MDGA2: variants seen among roughly 807,000 people sequenced by gnomAD.
MDGA2 encodes the protein MAM domain-containing glycosylphosphatidylinositol anchor protein 2.
Under a neutral mutation model 117.8 loss-of-function variants are expected in MDGA2, and 40 were observed. The observed-to-expected ratio is 0.34, with a 90% CI of 0.26 to 0.44. The LOEUF is 0.44. Ranked by LOEUF, MDGA2 falls within the 20% of genes least tolerant of loss-of-function variation. MDGA2 has a pLI of 1.00. For missense variants in MDGA2, 1,123 were observed against 1,250.6 expected, an observed-to-expected ratio of 0.90 and a Z score of 1.54; for synonymous variants, 452 against 439.0, an observed-to-expected ratio of 1.03 and a Z score of -0.37.
At chr14:47,442,191 C>T (rs1434035517) in intron 1 of MDGA2, among the ~76,000 whole-genome samples, 1 of 152,096 alleles carries the variant, frequency 6.6e-6, no homozygotes, top group Admixed American at 6.5e-5. Context: ...GATAAGTGGT[C>T]GGTTAAGGTA....
At chr14:46,975,849 A>G (rs1886437935) in intron 8 of MDGA2, among the ~76,000 whole-genome samples, 1 of 152,098 alleles carries the variant, frequency 6.6e-6, no homozygotes, top group African/African-American at 2.4e-5. Context: ...TTCAGACATA[A>G]GGCTTCTTGC....
chr14:47,607,437 A>G (rs1896762187), intron 1 of MDGA2, among the ~76,000 whole-genome samples: 1 of 152,156 alleles, frequency 6.6e-6, no homozygotes, highest in Admixed American at 6.6e-5. Context: ...TAGTTGCTAT[A>G]TATCAACATA....
Position 47,551,745 on chromosome 14 carries a change from C to T in MDGA2, c.280+122772G>A, listed in dbSNP as rs138565593. 4.3e-3 allele frequency among the ~76,000 whole-genome samples: 652 copies of T among 152,206 alleles called. 7 individuals are homozygous for T. The highest frequency in any genetic ancestry group is 0.015 in the African/African-American group (615 of 41,530). On this transcript the variant is annotated intron_variant, in intron 1 of 16. Coordinates refer to ENST00000399232, the MANE Select transcript of MDGA2 (RefSeq NM_001113498.3). ...ATATCTATTCCTTGACATATTGGAA[C>T]ACAAAACAAACAAGTTCAAAAGAAT...
intron 5 of MDGA2, among the ~76,000 whole-genome samples, chr14:47,122,494 T>C (rs1356709848): frequency 2.6e-5 from 4 of 152,226 alleles, no homozygotes; most frequent in African/African-American, 9.6e-5. Context: ...TGCCTAAAGA[T>C]GACATTTTGA....
At chr14:46,901,452 G>T (rs1169030695) in intron 10 of MDGA2, among the ~76,000 whole-genome samples, 2 of 152,138 alleles carry the variant, frequency 1.3e-5, no homozygotes, top group Admixed American at 6.6e-5. Context: ...TAGCATCTGT[G>T]CATACAAAAG....
chr14:47,609,465 A>ATACATATAT (rs1555336021), intron 1 of MDGA2, among the ~76,000 whole-genome samples: 1 of 107,386 alleles, frequency 9.3e-6, no homozygotes, highest in Non-Finnish European at 1.9e-5. Flanking sequence ...ATATATATAT[A>ATACATATAT]AGTTTCTTTA....
At chr14:46,960,238 G>A (rs1885741742) in intron 8 of MDGA2, among the ~76,000 whole-genome samples, 1 of 151,770 alleles carries the variant, frequency 6.6e-6, no homozygotes, top group Non-Finnish European at 1.5e-5. Flanking sequence ...AAATTATATT[G>A]TACATTATAG....
intron 3 of MDGA2, among the ~76,000 whole-genome samples, chr14:47,207,216 T>TA (rs1566680739): frequency 6.6e-6 from 1 of 151,790 alleles, no homozygotes; most frequent in South Asian, 2.1e-4. Flanking sequence ...AGAAGCATGA[T>TA]AGAGGATGGG....
Position 47,272,925 on chromosome 14 carries a change from A to G in MDGA2, c.420+28486T>C, listed in dbSNP as rs1301787166. 2.6e-5 allele frequency among the ~76,000 whole-genome samples: 4 copies of G among 152,158 alleles called. No homozygotes were observed. In the East Asian group the frequency reaches 7.7e-4, roughly 29 times the overall value. On this transcript the variant is annotated intron_variant, in intron 2 of 16. Transcript: ENST00000399232. ...TAATTGGTTACTATAAAAAAATACA[A>G]CTCCTTAGATGCAGGGAAATGCATA...
At chr14:47,560,272 C>T (rs1295943402) in intron 1 of MDGA2, among the ~76,000 whole-genome samples, 2 of 151,968 alleles carry the variant, frequency 1.3e-5, no homozygotes, top group South Asian at 2.1e-4. Flanking sequence ...GGGGTTTCAC[C>T]GTGTTAGCCA....
At chr14:47,619,426 A>C (rs1164635) in intron 1 of MDGA2, among the ~76,000 whole-genome samples, 61,286 of 152,050 alleles carry the variant, frequency 0.4, 13,280 homozygotes, top group Middle Eastern at 0.51. Context: ...AAGTACATTA[A>C]AACTAATACT....
At chr14:47,143,690 A>G (rs1237541714) in intron 4 of MDGA2, among the ~76,000 whole-genome samples, 1 of 152,094 alleles carries the variant, frequency 6.6e-6, no homozygotes, top group Non-Finnish European at 1.5e-5. Context: ...AAGTTTCTTC[A>G]TTTTTTTAAT....
intron 7 of MDGA2, among the ~76,000 whole-genome samples, chr14:47,046,947 G>A (rs1382928491): frequency 1.3e-5 from 2 of 152,040 alleles, no homozygotes; most frequent in Admixed American, 6.6e-5. Context: ...AGTAACAAAA[G>A]CAGAGCCACA....
At chr14:47,543,290 CAAAA>C (rs1369088648) in intron 1 of MDGA2, among the ~76,000 whole-genome samples, 1 of 151,818 alleles carries the variant, frequency 6.6e-6, no homozygotes, top group African/African-American at 2.4e-5. Context: ...TCTAAAAAAA[CAAAA>C]AGAATGGGAA....
chr14:46,933,173 T>G (rs1334251127), intron 9 of MDGA2, among the ~76,000 whole-genome samples: 1 of 152,084 alleles, frequency 6.6e-6, no homozygotes, highest in Non-Finnish European at 1.5e-5. Context: ...TTTCCCATTG[T>G]AAAATTTCTC....
rs927832760 is a variant in MDGA2, at chr14:47,507,564, T to G, written c.280+166953A>C. Among the ~76,000 whole-genome samples, 9 of 152,304 alleles carry G rather than the reference T, an allele frequency of 5.9e-5. No individual in the cohort carries two copies. The South Asian group carries it at 1.2e-3, about 21-fold the overall frequency. ...GAGCTGATAAACCTCTCACTTTTAG[T>G]CCCTTTCAAGTAGCTATAACATGTT... On this transcript the variant is annotated intron_variant, in intron 1 of 16. Transcript: ENST00000399232.
chr14:47,276,182 G>A (rs1368840673), intron 2 of MDGA2, among the ~76,000 whole-genome samples: 1 of 151,988 alleles, frequency 6.6e-6, no homozygotes, highest in Non-Finnish European at 1.5e-5. Flanking sequence ...AACATAATCA[G>A]GCATTGGTTT....
chr14:47,625,125 C>T (rs1021788078), intron 1 of MDGA2, among the ~76,000 whole-genome samples: 2 of 152,116 alleles, frequency 1.3e-5, no homozygotes, highest in Non-Finnish European at 2.9e-5. Context: ...AGTGACAAAT[C>T]TATGGTTCCT....
intron 6 of MDGA2, among the ~76,000 whole-genome samples, chr14:47,094,146 A>G (rs988194269): frequency 6.6e-6 from 1 of 152,056 alleles, no homozygotes; most frequent in African/African-American, 2.4e-5. Flanking sequence ...GATCCTTTAA[A>G]ACCAAGGCTA....
Sources: gnomAD v4.1 joint callset for allele counts (sites outside exome capture counted in the v4.1 genomes callset) on GRCh38, gnomAD v4.1.1 for gene constraint, MANE v1.5 for transcripts, NCBI Gene and HGNC (gene_info 2026-07-23, HGNC 2026-07-21) for gene names.